Variants in PCDHGA7 observed in about 807,000 individuals in gnomAD.
PCDHGA7 encodes protocadherin gamma subfamily A, 7.
A neutral mutation model predicts 58.3 loss-of-function variants in PCDHGA7; 44 were observed. That is an observed-to-expected ratio of 0.75 (90% confidence interval 0.59 to 0.97). PCDHGA7 has a LOEUF of 0.97. Among genes scored for constraint, PCDHGA7 ranks in the 50% least tolerant of loss-of-function variants. PCDHGA7 has a pLI of 0.00. For missense variants in PCDHGA7, 1,266 were observed against 1,188.7 expected, an observed-to-expected ratio of 1.06 and a Z score of -0.96; for synonymous variants, 516 against 504.2, an observed-to-expected ratio of 1.02 and a Z score of -0.31.
chr5:141,464,079 A>G (rs996899520), intron 1 of PCDHGA7, among the ~76,000 whole-genome samples: 3 of 152,124 alleles, frequency 2.0e-5, no homozygotes, highest in Non-Finnish European at 4.4e-5. Flanking sequence ...AGCCTGGCCA[A>G]CATGGTGAAA....
At chr5:141,393,736 A>G in intron 1 of PCDHGA7, 1 of 1,613,892 alleles carries the variant, frequency 6.2e-7, no homozygotes, top group Non-Finnish European at 8.5e-7. Flanking sequence ...AAAAGTCTAG[A>G]TTATGAAGAA....
At chr5:141,393,192 A>G in intron 1 of PCDHGA7, 2 of 1,613,468 alleles carry the variant, frequency 1.2e-6, no homozygotes, top group Non-Finnish European at 1.7e-6. Flanking sequence ...AATTGATATT[A>G]ACGATAATAA....
intron 1 of PCDHGA7, chr5:141,428,086 G>C: frequency 1.9e-6 from 3 of 1,609,122 alleles, no homozygotes; most frequent in Non-Finnish European, 1.7e-6. Context: ...CACAACGCTT[G>C]GCTGTCCTAC....
At chr5:141,423,205 A>G in intron 1 of PCDHGA7, 1 of 1,613,612 alleles carries the variant, frequency 6.2e-7, no homozygotes, top group South Asian at 1.1e-5. Flanking sequence ...GGCCACCGTC[A>G]CGCTCACCGT....
intron 1 of PCDHGA7, among the ~76,000 whole-genome samples, chr5:141,463,117 A>G (rs2099053039): frequency 6.6e-6 from 1 of 152,196 alleles, no homozygotes; most frequent in African/African-American, 2.4e-5. Context: ...TTCAGCTAAT[A>G]GCTCCCTGGC....
At chr5:141,423,499 G>T (rs1590485367) in intron 1 of PCDHGA7, 1 of 1,613,966 alleles carries the variant, frequency 6.2e-7, no homozygotes, top group Non-Finnish European at 8.5e-7. Context: ...TTCCCACGAG[G>T]TCTCTCTCAT....
At chr5:141,417,854 C>G in intron 1 of PCDHGA7, 2 of 1,543,902 alleles carry the variant, frequency 1.3e-6, no homozygotes, top group Non-Finnish European at 1.8e-6. Flanking sequence ...AGAACCCGAG[C>G]GAACGATGGG....
At chr5:141,394,710 C>T in intron 1 of PCDHGA7, 1 of 1,613,354 alleles carries the variant, frequency 6.2e-7, no homozygotes. Context: ...GCGAGCCCTG[C>T]TGGACAGAGA....
At chr5:141,420,458 CAA>C (rs1269245240) in intron 1 of PCDHGA7, 1 of 925,076 alleles carries the variant, frequency 1.1e-6, no homozygotes, top group Non-Finnish European at 1.5e-6. Context: ...TCCTACTATT[CAA>C]AGACATTTTA....
chr5:141,435,591 T>G (rs1197622032), intron 1 of PCDHGA7, among the ~76,000 whole-genome samples: 1 of 152,206 alleles, frequency 6.6e-6, no homozygotes, highest in Admixed American at 6.5e-5. Flanking sequence ...TGCAGTAATA[T>G]CGCCTGCTTT....
intron 1 of PCDHGA7, chr5:141,475,986 G>T: frequency 2.8e-6 from 3 of 1,089,866 alleles, no homozygotes; most frequent in Non-Finnish European, 3.9e-6. Context: ...CAGCCGGCGA[G>T]CAAATCAACG....
chr5:141,497,125 G>A (rs968031174), intron 2 of PCDHGA7, among the ~76,000 whole-genome samples: 1 of 152,094 alleles, frequency 6.6e-6, no homozygotes, highest in South Asian at 2.1e-4. Context: ...GGCAGAGGTT[G>A]CAGTGAGCTG....
chr5:141,393,381 A>G, intron 1 of PCDHGA7: 3 of 1,614,022 alleles, frequency 1.9e-6, no homozygotes, highest in South Asian at 1.1e-5. Flanking sequence ...CAATGGAGCC[A>G]TAAACCCAGA....
chr5:141,408,279 A>G (rs1313502495), intron 1 of PCDHGA7: 1 of 1,612,184 alleles, frequency 6.2e-7, no homozygotes, highest in Admixed American at 1.7e-5. Flanking sequence ...CCTTTGTTCT[A>G]CCCCACCCTG....
Position 141,389,586 on chromosome 5 carries a change from G to A in PCDHGA7, c.2424+4263G>A, listed in dbSNP as rs369593580. 471 of 1,613,048 alleles carry A rather than the reference G, an allele frequency of 2.9e-4. No homozygotes were observed. Among genetic ancestry groups the A allele is most frequent in the Non-Finnish European group, 3.8e-4 (446 of 1,179,788 alleles). ...GGTGCTGTACCCCGCGCTGGGTCCC[G>A]ACGGCTCTGCGCTCTTCGATATGGT... On this transcript the variant is annotated intron_variant, in intron 1 of 3. Coordinates refer to ENST00000518325, the MANE Select transcript of PCDHGA7 (RefSeq NM_018920.4).
intron 1 of PCDHGA7, chr5:141,422,371 C>T (rs866886181): frequency 6.4e-7 from 1 of 1,567,212 alleles, no homozygotes; most frequent in South Asian, 1.2e-5. Context: ...AGAAAATGGT[C>T]AAGTCTCCTG....
intron 1 of PCDHGA7, chr5:141,415,889 T>C: frequency 2.1e-6 from 2 of 942,152 alleles, no homozygotes; most frequent in Non-Finnish European, 2.9e-6. Context: ...TATTGACAAT[T>C]CCTAAGACAG....
intron 1 of PCDHGA7, chr5:141,389,485 A>G (rs2091790696): frequency 1.2e-6 from 2 of 1,612,936 alleles, no homozygotes; most frequent in Non-Finnish European, 1.7e-6. Flanking sequence ...CAGGCCCGCG[A>G]CCAGGGCTCG....
In PCDHGA7 at chr5:141,383,766, A is replaced by G. The variant is rs1265444749; in HGVS notation, c.867A>G (p.Pro289=). ...TTCGGAAAATAACTCCTAAACTTCCAAAGATGTTTCATCTGAACTCGCTTA... is the reference window on the plus strand; with the variant it reads ...TTCGGAAAATAACTCCTAAACTTCCGAAGATGTTTCATCTGAACTCGCTTA... ...YSFRKITPKL[P]KMFHLNSLTG... Residue 289 remains proline, a synonymous_variant, in exon 1 of 4, where the codon CCA becomes CCG. Transcript: ENST00000518325. 6 of 1,613,894 alleles carry G rather than the reference A, an allele frequency of 3.7e-6. No homozygotes were observed. The highest frequency in any genetic ancestry group is 5.1e-6 in the Non-Finnish European group (6 of 1,179,892).
Sources: allele counts gnomAD v4.1 joint callset (sites outside exome capture counted in the v4.1 genomes callset), GRCh38; gene constraint gnomAD v4.1.1; transcripts MANE v1.5; gene names NCBI Gene and HGNC (gene_info 2026-07-23, HGNC 2026-07-21).